The following NINJ2 variants were observed in gnomAD, a reference collection of about 807,000 sequenced individuals.
NINJ2 encodes the protein ninjurin-2.
In NINJ2, 12 loss-of-function variants were observed where a neutral mutation model predicts 11.7. The ratio of observed to expected loss-of-function variants is 1.02; its 90% CI spans 0.66 to 1.66. NINJ2 has a LOEUF of 1.66. Among genes scored for constraint, NINJ2 ranks in the 40% most tolerant of loss-of-function variants. NINJ2 has a pLI of 0.00. For synonymous variants in NINJ2, 93 were observed against 76.8 expected (o/e 1.21, Z -1.10); for missense variants, 187 against 181.8 (o/e 1.03, Z -0.16).
chr12:572,280 G>A (rs1192858825), intron 1 of NINJ2, among the ~76,000 whole-genome samples: 3 of 152,218 alleles, frequency 2.0e-5, no homozygotes, highest in African/African-American at 7.2e-5. Flanking sequence ...CCAGCCCTGA[G>A]AACACCCACG....
intron 1 of NINJ2, among the ~76,000 whole-genome samples, chr12:605,260 A>G (rs990348601): frequency 3.9e-5 from 6 of 152,220 alleles, no homozygotes; most frequent in Non-Finnish European, 7.3e-5. Flanking sequence ...GAGAGGGTTG[A>G]GGCAACTGCT....
In NINJ2 at chr12:565,404, G is replaced by T. The variant is rs762672731; in HGVS notation, c.263-3C>A. 1.9e-6 allele frequency: 3 copies of T among 1,613,570 alleles called. No homozygotes were observed. The Admixed American group carries it at 5.0e-5, about 27-fold the overall frequency. On this transcript the variant is annotated splice_polypyrimidine_tract_variant and splice_region_variant and intron_variant, in intron 2 of 3. Coordinates refer to ENST00000305108, the MANE Select transcript of NINJ2 (RefSeq NM_016533.6). Reference sequence around the variant, plus strand: ...TACCTCATTCAGGTTCAGCCGTGCTGCAGGGAAGTGGAGTGGGGGGAAAGG... The same window carrying T: ...TACCTCATTCAGGTTCAGCCGTGCTTCAGGGAAGTGGAGTGGGGGGAAAGG...
At chr12:594,769 G>T (rs1038594706) in intron 1 of NINJ2, among the ~76,000 whole-genome samples, 38 of 152,168 alleles carry the variant, frequency 2.5e-4, no homozygotes, top group Admixed American at 2.0e-3. Context: ...TTGATCTATA[G>T]ATTCAATGCA....
chr12:611,269 C>G (rs900123054), intron 1 of NINJ2, among the ~76,000 whole-genome samples: 1 of 146,856 alleles, frequency 6.8e-6, no homozygotes, highest in African/African-American at 2.5e-5. Context: ...TTCTTTCTTT[C>G]TTTCTCTCTC....
intron 1 of NINJ2, among the ~76,000 whole-genome samples, chr12:624,242 A>G (rs73596299): frequency 0.055 from 8,380 of 152,272 alleles, 283 homozygotes; most frequent in Non-Finnish European, 0.074. Context: ...GTGTAAAGGT[A>G]TGAGCACTTC....
At chr12:583,351 G>T (rs1052470214) in intron 1 of NINJ2, among the ~76,000 whole-genome samples, 4 of 152,258 alleles carry the variant, frequency 2.6e-5, no homozygotes, top group South Asian at 2.1e-4. Context: ...CAAGTGTCAG[G>T]TCCCTGCTGT....
intron 1 of NINJ2, among the ~76,000 whole-genome samples, chr12:595,267 T>C (rs1350907387): frequency 6.6e-6 from 1 of 152,200 alleles, no homozygotes; most frequent in African/African-American, 2.4e-5. Context: ...GAAATCTAGA[T>C]GATGTAACGT....
intron 1 of NINJ2, among the ~76,000 whole-genome samples, chr12:616,430 G>C (rs1002659596): frequency 4.6e-5 from 7 of 152,040 alleles, no homozygotes; most frequent in Non-Finnish European, 8.8e-5. Context: ...CAGGGGTTTG[G>C]TCTTGGGAGA....
intron 1 of NINJ2, among the ~76,000 whole-genome samples, chr12:609,225 A>T (rs569669393): frequency 7.5e-5 from 9 of 119,948 alleles, no homozygotes; most frequent in Admixed American, 2.6e-4. Flanking sequence ...CTAGGGGCTG[A>T]ACGCGCACGC....
chr12:638,384 C>A (rs1267181450), intron 1 of NINJ2, among the ~76,000 whole-genome samples: 2 of 151,820 alleles, frequency 1.3e-5, no homozygotes, highest in Admixed American at 1.3e-4. Context: ...TTTCACCCAC[C>A]ACTGAGTATT....
intron 1 of NINJ2, among the ~76,000 whole-genome samples, chr12:582,154 C>T (rs61919371): frequency 0.27 from 40,768 of 151,676 alleles, 5,836 homozygotes; most frequent in South Asian, 0.37. Context: ...TTCCTCCTCC[C>T]GCAGCTCTTA....
chr12:606,829 C>T (rs75480162), intron 1 of NINJ2, among the ~76,000 whole-genome samples: 1,919 of 152,208 alleles, frequency 0.013, 15 homozygotes, highest in Middle Eastern at 0.027. Flanking sequence ...GACTGTGGGC[C>T]GAGTTGCTTT....
At chr12:610,433 C>T in intron 1 of NINJ2, 1 of 1,535,464 alleles carries the variant, frequency 6.5e-7, no homozygotes, top group Non-Finnish European at 8.7e-7. Flanking sequence ...CAGGAAGTCT[C>T]AACGGAAAAT....
At chr12:577,418 T>TATATATATAC (rs1947475341) in intron 1 of NINJ2, among the ~76,000 whole-genome samples, 1 of 124,022 alleles carries the variant, frequency 8.1e-6, no homozygotes, top group Non-Finnish European at 1.8e-5. Flanking sequence ...ACTAGTCTCA[T>TATATATATAC]ATATATATAT....
At chr12:611,154 T>G (rs1349795697) in intron 1 of NINJ2, among the ~76,000 whole-genome samples, 3 of 152,034 alleles carry the variant, frequency 2.0e-5, no homozygotes, top group Non-Finnish European at 2.9e-5. Flanking sequence ...ACCCCAGGCC[T>G]GCCTGCCTTT....
At chr12:660,289 TAAAAAAAA>T (rs776762900) in intron 1 of NINJ2, among the ~76,000 whole-genome samples, 3 of 107,732 alleles carry the variant, frequency 2.8e-5, no homozygotes, top group South Asian at 3.2e-4. Flanking sequence ...TCCTGTCTGT[TAAAAAAAA>T]AAAAAAAAAA....
chr12:641,980 C>A (rs1352947335), intron 1 of NINJ2, among the ~76,000 whole-genome samples: 1 of 152,140 alleles, frequency 6.6e-6, no homozygotes, highest in Non-Finnish European at 1.5e-5. Context: ...TCTAGCGGAA[C>A]ACCACCTTTC....
chr12:568,674 A>G (rs1438804176), intron 1 of NINJ2, among the ~76,000 whole-genome samples: 2 of 152,206 alleles, frequency 1.3e-5, no homozygotes, highest in Admixed American at 6.5e-5. Context: ...AGTTCCCTGC[A>G]CCTGGGTTGT....
At chr12:626,255 G>T (rs1188200271) in intron 1 of NINJ2, among the ~76,000 whole-genome samples, 1 of 152,232 alleles carries the variant, frequency 6.6e-6, no homozygotes, top group African/African-American at 2.4e-5. Context: ...CCAGTGATGA[G>T]GGATTCATAA....
Sources: allele counts gnomAD v4.1 joint callset (sites outside exome capture counted in the v4.1 genomes callset), GRCh38; gene constraint gnomAD v4.1.1; transcripts MANE v1.5; gene names NCBI Gene and HGNC (gene_info 2026-07-23, HGNC 2026-07-21).